The following GRAMD1C variants were observed in gnomAD, a reference collection of about 807,000 sequenced individuals.
The protein encoded by GRAMD1C is GRAM domain containing 1C.
A neutral mutation model predicts 97.8 loss-of-function variants in GRAMD1C; 89 were observed. The observed-to-expected ratio is 0.91, with a 90% CI of 0.77 to 1.09. GRAMD1C has a LOEUF of 1.09. Ranked by LOEUF, GRAMD1C falls within the 50% of genes least tolerant of loss-of-function variation. The pLI is 0.00. For synonymous variants in GRAMD1C, 256 were observed against 267.0 expected (o/e 0.96, Z 0.40); for missense variants, 740 against 766.4 (o/e 0.97, Z 0.41).
At chr3:113,858,635 C>T (rs1259652348) in intron 2 of GRAMD1C, among the ~76,000 whole-genome samples, 1 of 151,982 alleles carries the variant, frequency 6.6e-6, no homozygotes, top group Non-Finnish European at 1.5e-5. Context: ...ACCTTGTGAC[C>T]CACCCGCCTT....
intron 6 of GRAMD1C, among the ~76,000 whole-genome samples, chr3:113,896,265 C>T (rs895395880): frequency 2.2e-4 from 34 of 152,302 alleles, no homozygotes; most frequent in African/African-American, 7.9e-4. Context: ...CCACTGTATA[C>T]TCCCTCTATT....
chr3:113,872,440 A>G (rs9811075), intron 3 of GRAMD1C, among the ~76,000 whole-genome samples: 137,175 of 142,906 alleles, frequency 0.96, 66,123 homozygotes, highest in East Asian at 1. Flanking sequence ...TGTCACCCAG[A>G]CTGGAGTGCA....
At chr3:113,892,182 A>C (rs971508501) in intron 6 of GRAMD1C, among the ~76,000 whole-genome samples, 9 of 152,088 alleles carry the variant, frequency 5.9e-5, no homozygotes, top group Non-Finnish European at 8.8e-5. Flanking sequence ...TCTTCATAAG[A>C]CTGCTTTGGG....
chr3:113,932,936 G>T (rs1175491860), intron 11 of GRAMD1C, among the ~76,000 whole-genome samples: 1 of 149,550 alleles, frequency 6.7e-6, no homozygotes, highest in Non-Finnish European at 1.5e-5. Flanking sequence ...AGGCTGGAGC[G>T]CAGTGAGGCG....
chr3:113,872,382 CTTTTTTTTCTTTTTTTTT>C (rs1934853172), intron 3 of GRAMD1C, among the ~76,000 whole-genome samples: 1 of 103,632 alleles, frequency 9.6e-6, no homozygotes, highest in Non-Finnish European at 2.1e-5. Flanking sequence ...CCACTTCATT[CTTTTTTTTCTTTTTTTTT>C]TTTTTTTTTT....
rs772233296 is a variant in GRAMD1C at position 113,841,285 on chromosome 3, C to CTTTTTTTTTTTTTTTTTTT, written c.27+2365_27+2366insTTTTTTTTTTTTTTTTTTT. Among the ~76,000 whole-genome samples, 91 of 94,318 alleles carry CTTTTTTTTTTTTTTTTTTT rather than the reference C, an allele frequency of 9.6e-4. 2 individuals are homozygous for CTTTTTTTTTTTTTTTTTTT. Among genetic ancestry groups the CTTTTTTTTTTTTTTTTTTT allele is most frequent in the East Asian group, 1.4e-3 (4 of 2,816 alleles). 61.9% of individuals were successfully genotyped at this position (94,318 alleles called of 152,430 possible). On this transcript the variant is annotated intron_variant, in intron 1 of 17. Coordinates refer to ENST00000358160, the MANE Select transcript of GRAMD1C (RefSeq NM_017577.5). The stretch of plus-strand genomic sequence containing the variant: ...TCACAAAGTACTTCTTTCTTTCTTT[C>CTTTTTTTTTTTTTTTTTTT]TTTTTTTTTTTTTTTTGCGAGACAG...
chr3:113,894,846 A>T (rs747887083), intron 6 of GRAMD1C, among the ~76,000 whole-genome samples: 7 of 152,178 alleles, frequency 4.6e-5, no homozygotes, highest in Admixed American at 4.6e-4. Flanking sequence ...TTTTAAATGT[A>T]TACAGATATA....
chr3:113,862,380 A>G lies in GRAMD1C; in HGVS notation c.175-7127A>G, dbSNP rs548786033. 7.7e-3 allele frequency among the ~76,000 whole-genome samples: 1,178 copies of G among 152,290 alleles called. 13 individuals carry two copies. The highest frequency in any genetic ancestry group is 9.0e-3 in the Non-Finnish European group (615 of 68,022). On this transcript the variant is annotated intron_variant, in intron 2 of 17. Transcript: ENST00000358160. ...TCTTTCTCAGGGATGTTCCTTGCTGAGAAAAAGAATTCAGCGATATTTCTC... is the reference window on the plus strand; with the variant it reads ...TCTTTCTCAGGGATGTTCCTTGCTGGGAAAAAGAATTCAGCGATATTTCTC...
chr3:113,862,133 AG>A (rs1267352222), intron 2 of GRAMD1C, among the ~76,000 whole-genome samples: 3 of 152,192 alleles, frequency 2.0e-5, no homozygotes, highest in Admixed American at 1.3e-4. Flanking sequence ...TTGCTAATGA[AG>A]TTTCAGGCAC....
intron 1 of GRAMD1C, among the ~76,000 whole-genome samples, chr3:113,843,321 C>T (rs1933452521): frequency 6.6e-6 from 1 of 151,790 alleles, no homozygotes; most frequent in Non-Finnish European, 1.5e-5. Flanking sequence ...AAGAGGTCCT[C>T]CTGCCTCAGC....
chr3:113,851,363 A>G (rs541690310), intron 2 of GRAMD1C, among the ~76,000 whole-genome samples: 1 of 152,120 alleles, frequency 6.6e-6, no homozygotes, highest in Non-Finnish European at 1.5e-5. Flanking sequence ...TAGAGTTCGA[A>G]TTGATTTTTT....
chr3:113,935,313 G>A (rs900388023), intron 13 of GRAMD1C, among the ~76,000 whole-genome samples: 5 of 151,936 alleles, frequency 3.3e-5, no homozygotes, highest in African/African-American at 1.2e-4. Flanking sequence ...TAAGCTCTGG[G>A]GAGTCCTCGG....
At chr3:113,930,585 C>A in intron 10 of GRAMD1C, 129 bp from the exon 11 acceptor site, 1 of 547,342 alleles carries the variant, frequency 1.8e-6, no homozygotes, top group East Asian at 2.8e-5. Flanking sequence ...ACTTATAATA[C>A]CCAGTTATAA....
rs755524312 is a variant in GRAMD1C, at chr3:113,875,526, G to A, written c.302G>A (p.Arg101Gln). The change falls in exon 4 of 18, where the codon CGA becomes CAA. Residue 101 changes from arginine (R) to glutamine (Q), a missense_variant. Coordinates refer to ENST00000358160, the MANE Select transcript of GRAMD1C (RefSeq NM_017577.5). ...CAGAGGGACATTTTGCTTCAGGGAC[G>A]ACTATACCTTTCAGAAAACTGGCTA... ...ALQRDILLQG[R>Q]LYLSENWLCF... 25 of 1,556,836 alleles carry A rather than the reference G, an allele frequency of 1.6e-5. No individual in the cohort carries two copies. In the East Asian group the frequency reaches 4.3e-4, roughly 27 times the overall value.
In GRAMD1C at chr3:113,945,437, C is replaced by G. The variant is rs748572796; in HGVS notation, c.1948C>G (p.Leu650Val). ...SLIMLQKTFD[L>V]LNKNKTGMAV... Reference sequence around the variant, plus strand: ...CATTATGCTTCAGAAAACGTTTGATCTACTAAATAAGAATAAGACTGGCAT... The same window carrying G: ...CATTATGCTTCAGAAAACGTTTGATGTACTAAATAAGAATAAGACTGGCAT... The change falls in exon 18 of 18, where the codon CTA becomes GTA. Residue 650 changes from leucine to valine, a missense_variant. By Grantham distance (32) the Leu-to-Val change is conservative (BLOSUM62 1). Transcript: ENST00000358160. 2 of 1,600,336 alleles carry G rather than the reference C, an allele frequency of 1.2e-6. No homozygotes were observed. Among genetic ancestry groups the G allele is most frequent in the Admixed American group, 3.3e-5 (2 of 59,794 alleles).
At chr3:113,886,774 C>CTTGT in intron 6 of GRAMD1C, among the ~76,000 whole-genome samples, 3 of 121,956 alleles carry the variant, frequency 2.5e-5, no homozygotes, top group African/African-American at 9.1e-5. Context: ...TGTTTGTTTG[C>CTTGT]TTGTTTTTTT....
chr3:113,849,521 A>G (rs929198653), intron 2 of GRAMD1C, among the ~76,000 whole-genome samples: 96 of 151,798 alleles, frequency 6.3e-4, no homozygotes, highest in Non-Finnish European at 1.1e-3. Flanking sequence ...GCCTTCAAGC[A>G]TCTGTTTAAC....
At chr3:113,854,530 G>A (rs1249818616) in intron 2 of GRAMD1C, among the ~76,000 whole-genome samples, 1 of 152,130 alleles carries the variant, frequency 6.6e-6, no homozygotes, top group Admixed American at 6.6e-5. Flanking sequence ...CCTGAGAGTT[G>A]GGCATTGGAT....
At chr3:113,875,452 GA>G (rs1291662305) in intron 3 of GRAMD1C, 31 bp from the exon 4 acceptor site, 2 of 903,476 alleles carry the variant, frequency 2.2e-6, no homozygotes, top group African/African-American at 3.2e-5. Context: ...AGATTTTCGT[GA>G]ATAAGCTGTA....
Sources: gnomAD v4.1 joint callset for allele counts (sites outside exome capture counted in the v4.1 genomes callset) on GRCh38, gnomAD v4.1.1 for gene constraint, MANE v1.5 for transcripts, NCBI Gene and HGNC (gene_info 2026-07-23, HGNC 2026-07-21) for gene names.